TESC: variants seen among roughly 807,000 people sequenced by gnomAD.
TESC encodes the protein calcineurin B homologous protein 3.
A neutral mutation model predicts 31.0 loss-of-function variants in TESC; 19 were observed. That is an observed-to-expected ratio of 0.61 (90% CI 0.43 to 0.90). TESC has a LOEUF of 0.90. TESC is among the 40% of genes least tolerant of loss of function. The pLI is 0.00. For missense variants in TESC, 248 were observed against 303.8 expected (o/e 0.82, Z 1.36); for synonymous variants, 109 against 114.8 (o/e 0.95, Z 0.32).
intron 6 of TESC, 102 bp from the exon 7 acceptor site, chr12:117,042,096 TG>T: frequency 2.5e-6 from 3 of 1,179,294 alleles, no homozygotes; most frequent in Non-Finnish European, 3.6e-6. Context: ...AATACCCAAA[TG>T]TAAGTTGTTG....
chr12:117,061,116 G>A (rs997861985), intron 2 of TESC, among the ~76,000 whole-genome samples: 41 of 152,166 alleles, frequency 2.7e-4, no homozygotes, highest in African/African-American at 8.9e-4. Context: ...CAGGGTTGCC[G>A]TACAGTTTAG....
intron 6 of TESC, among the ~76,000 whole-genome samples, chr12:117,042,601 G>A (rs955284983): frequency 2.4e-4 from 37 of 152,234 alleles, no homozygotes; most frequent in African/African-American, 8.2e-4. Context: ...TGGCCACAAG[G>A]AGCCTCTCCC....
intron 1 of TESC, among the ~76,000 whole-genome samples, chr12:117,076,152 C>G: frequency 6.7e-6 from 1 of 149,706 alleles, no homozygotes; most frequent in East Asian, 2.0e-4. Flanking sequence ...GACTCTTCCT[C>G]TTCCACTCCA....
At chr12:117,069,193 G>C (rs558219256) in intron 2 of TESC, among the ~76,000 whole-genome samples, 1 of 152,088 alleles carries the variant, frequency 6.6e-6, no homozygotes, top group African/African-American at 2.4e-5. Context: ...TGAGGATCCT[G>C]AAGCATATAC....
chr12:117,091,567 TGGA>T (rs926691391), intron 1 of TESC, among the ~76,000 whole-genome samples: 4 of 152,188 alleles, frequency 2.6e-5, no homozygotes, highest in African/African-American at 7.2e-5. Flanking sequence ...GAGGACGTCT[TGGA>T]GAGGACTGCC....
chr12:117,063,045 T>TG (rs1174915680), intron 2 of TESC, among the ~76,000 whole-genome samples: 1 of 152,192 alleles, frequency 6.6e-6, no homozygotes, highest in Non-Finnish European at 1.5e-5. Flanking sequence ...AATGTCCCCC[T>TG]GGAGTCATGA....
intron 2 of TESC, among the ~76,000 whole-genome samples, chr12:117,063,568 AACC>A (rs1040874703): frequency 1.3e-5 from 2 of 152,122 alleles, no homozygotes; most frequent in Admixed American, 6.5e-5. Context: ...AACCCCCACC[AACC>A]ACCACAAGGC....
rs919203745 is a variant in TESC, at chr12:117,053,755, CACACATACACAT to C, written c.209+3039_209+3050del. On this transcript the variant is annotated intron_variant, in intron 3 of 7. Coordinates refer to ENST00000335209, the MANE Select transcript of TESC (RefSeq NM_017899.4). ...TCTCGCGTGCGCGCGCACGCGCACA[CACACATACACAT>C]ACACACACGCACGCACCCACAGGCA... Among the ~76,000 whole-genome samples, 4 of 152,270 alleles carry C rather than the reference CACACATACACAT, an allele frequency of 2.6e-5. No individual in the cohort carries two copies. The South Asian group carries it at 8.3e-4, about 32-fold the overall frequency.
At chr12:117,044,488 G>A (rs1954527940) in intron 6 of TESC, among the ~76,000 whole-genome samples, 1 of 152,212 alleles carries the variant, frequency 6.6e-6, no homozygotes, top group Non-Finnish European at 1.5e-5. Context: ...TGGAAAGGGG[G>A]TGATCGGTGC....
At chr12:117,091,557 G>A (rs572128804) in intron 1 of TESC, among the ~76,000 whole-genome samples, 56 of 152,332 alleles carry the variant, frequency 3.7e-4, no homozygotes, top group African/African-American at 1.3e-3. Flanking sequence ...TCTGCGGAGC[G>A]AGGACGTCTT....
intron 3 of TESC, among the ~76,000 whole-genome samples, chr12:117,052,918 C>G (rs1484069591): frequency 6.7e-6 from 1 of 149,716 alleles, no homozygotes; most frequent in Non-Finnish European, 1.5e-5. Flanking sequence ...TGTTGTTCCC[C>G]TGCTCAGCAC....
At chr12:117,089,985 G>C (rs1230539634) in intron 1 of TESC, among the ~76,000 whole-genome samples, 1 of 150,868 alleles carries the variant, frequency 6.6e-6, no homozygotes, top group East Asian at 1.9e-4. Flanking sequence ...TTTCTACAAA[G>C]AAATGTCGAT....
At chr12:117,060,446 C>T (rs1954786850) in intron 2 of TESC, among the ~76,000 whole-genome samples, 2 of 152,154 alleles carry the variant, frequency 1.3e-5, no homozygotes, top group African/African-American at 4.8e-5. Context: ...CAGCTCGATG[C>T]CTTGCCCTTT....
In TESC at chr12:117,075,911, A is replaced by ATGTGTGTGTG. The variant is rs1254921026; in HGVS notation, c.59-572_59-571insCACACACACA. 2.9e-4 allele frequency among the ~76,000 whole-genome samples: 17 copies of ATGTGTGTGTG among 59,052 alleles called. No homozygotes were observed. The South Asian group carries it at 5.9e-3, about 20-fold the overall frequency. 38.7% of individuals were successfully genotyped at this position (59,052 alleles called of 152,430 possible). On this transcript the variant is annotated intron_variant, in intron 1 of 7. Coordinates refer to ENST00000335209, the MANE Select transcript of TESC (RefSeq NM_017899.4). Reference sequence around the variant, plus strand: ...TATATATATATATATATATATATATATATGTGTGTGTGTATATATATATAT... The same window carrying ATGTGTGTGTG: ...TATATATATATATATATATATATATATGTGTGTGTGTATGTGTGTGTGTATATATATATAT...
intron 2 of TESC, among the ~76,000 whole-genome samples, chr12:117,068,934 C>T (rs1207057284): frequency 6.6e-6 from 1 of 152,122 alleles, no homozygotes. Context: ...AGAAAAAGTG[C>T]AAGAAGCTAT....
intron 3 of TESC, among the ~76,000 whole-genome samples, chr12:117,050,931 A>T (rs1014710710): frequency 5.9e-5 from 9 of 152,182 alleles, no homozygotes; most frequent in African/African-American, 1.7e-4. Context: ...TCTCAAACGA[A>T]AGAAACAAAA....
intron 1 of TESC, among the ~76,000 whole-genome samples, chr12:117,090,271 T>C (rs1955288840): frequency 6.6e-6 from 1 of 152,232 alleles, no homozygotes; most frequent in Non-Finnish European, 1.5e-5. Flanking sequence ...TCTTAAGTAC[T>C]ATGGAGTGAT....
intron 1 of TESC, among the ~76,000 whole-genome samples, chr12:117,075,978 T>G (rs1393279709): frequency 2.4e-5 from 3 of 122,932 alleles, no homozygotes; most frequent in Admixed American, 8.5e-5. Context: ...TATGTATATA[T>G]ATATATATTT....
chr12:117,045,689 A>T (rs1954547512), intron 6 of TESC, among the ~76,000 whole-genome samples: 1 of 152,212 alleles, frequency 6.6e-6, no homozygotes, highest in Non-Finnish European at 1.5e-5. Context: ...AGAGAGCAGG[A>T]TCCAGCATGA....
Sources: allele counts gnomAD v4.1 joint callset (sites outside exome capture counted in the v4.1 genomes callset), GRCh38; gene constraint gnomAD v4.1.1; transcripts MANE v1.5; gene names NCBI Gene and HGNC (gene_info 2026-07-23, HGNC 2026-07-21).